DRC5: variants seen among roughly 807,000 people sequenced by gnomAD.
DRC5 encodes the protein T-complex-associated testis-expressed protein 1.
At chr6:44,282,576 G>A in the DRC5 span, 2 of 1,559,664 alleles carry the variant, frequency 1.3e-6, no homozygotes, top group South Asian at 2.3e-5. Context: ...GCAGGCAGAG[G>A]GTCTACAGCA....
chr6:44,291,464 G>C, the DRC5 span, among the ~76,000 whole-genome samples: 1 of 152,240 alleles, frequency 6.6e-6, no homozygotes. Flanking sequence ...TTATGAGGAT[G>C]TGGAGTATGG....
At chr6:44,282,575 G>T in the DRC5 span, 1 of 1,568,166 alleles carries the variant, frequency 6.4e-7, no homozygotes, top group South Asian at 1.2e-5. Context: ...GGCAGGCAGA[G>T]GGTCTACAGC....
chr6:44,285,941 G>A, the DRC5 span: 1 of 1,589,792 alleles, frequency 6.3e-7, no homozygotes, highest in Non-Finnish European at 8.6e-7. Context: ...AGGGGTGGGG[G>A]GAAGGCTGGG....
At chr6:44,286,413 G>GGA in the DRC5 span, 63 of 1,614,064 alleles carry the variant, frequency 3.9e-5, no homozygotes, top group East Asian at 1.4e-3. Context: ...ATGCAGCAGC[G>GGA]GAGCCAGTAG....
At chr6:44,286,162 G>A in the DRC5 span, 3 of 1,613,414 alleles carry the variant, frequency 1.9e-6, no homozygotes, top group South Asian at 1.1e-5. Context: ...TCTCTCCCTC[G>A]CTGCCTGAGT....
chr6:44,283,196 C>T, the DRC5 span, among the ~76,000 whole-genome samples: 1 of 152,110 alleles, frequency 6.6e-6, no homozygotes, highest in African/African-American at 2.4e-5. Context: ...TGGAGGCTTA[C>T]ATTATTTCCC....
the DRC5 span, among the ~76,000 whole-genome samples, chr6:44,291,955 C>T: frequency 1.4e-4 from 21 of 151,994 alleles, no homozygotes; most frequent in Non-Finnish European, 2.5e-4. Context: ...GTCTCCCACC[C>T]AGGCAGCCTC....
the DRC5 span, chr6:44,287,057 G>A: frequency 1.2e-5 from 4 of 327,704 alleles, no homozygotes; most frequent in Non-Finnish European, 1.3e-5. Context: ...ACTGGGTGAT[G>A]ATAGTTGCTG....
chr6:44,296,306 G>C, the DRC5 span, among the ~76,000 whole-genome samples: 10 of 152,296 alleles, frequency 6.6e-5, no homozygotes, highest in East Asian at 1.7e-3. Context: ...TATACCCTTG[G>C]TGCTGACCTA....
the DRC5 span, chr6:44,282,354 G>T: frequency 6.2e-7 from 1 of 1,614,186 alleles, no homozygotes; most frequent in Admixed American, 1.7e-5. Flanking sequence ...CAGGGACTGG[G>T]CACCGGGTGC....
At chr6:44,284,401 T>C in the DRC5 span, among the ~76,000 whole-genome samples, 1 of 152,060 alleles carries the variant, frequency 6.6e-6, no homozygotes, top group Non-Finnish European at 1.5e-5. Context: ...GTCTTGCTTT[T>C]GGCTCTCCCC....
At chr6:44,294,916 C>A in the DRC5 span, among the ~76,000 whole-genome samples, 2 of 152,030 alleles carry the variant, frequency 1.3e-5, no homozygotes, top group Admixed American at 6.5e-5. Flanking sequence ...TGGTCTTAGT[C>A]TGGCCTGGCA....
the DRC5 span, among the ~76,000 whole-genome samples, chr6:44,292,213 T>C: frequency 7.9e-4 from 120 of 152,332 alleles, no homozygotes; most frequent in African/African-American, 2.7e-3. Context: ...AGCTCCTCTT[T>C]GCATCTGGGA....
At chr6:44,287,900 C>T in the DRC5 span, 2 of 1,528,656 alleles carry the variant, frequency 1.3e-6, no homozygotes, top group African/African-American at 1.4e-5. Context: ...ACTGGCAGGT[C>T]CTTGAAACAG....
At chr6:44,296,926 A>G in the DRC5 span, among the ~76,000 whole-genome samples, 1 of 5,216 alleles carries the variant, frequency 1.9e-4, no homozygotes, top group Admixed American at 5.5e-3. Context: ...ACTTTCTCCA[A>G]CTGAGCCTCG....
At chr6:44,285,983 TTGA>T in the DRC5 span, 2 of 1,613,678 alleles carry the variant, frequency 1.2e-6, no homozygotes, top group Non-Finnish European at 1.7e-6. Flanking sequence ...GTGGCATGCC[TTGA>T]TGGCGGCTGC....
the DRC5 span, among the ~76,000 whole-genome samples, chr6:44,287,039 T>C: frequency 6.6e-6 from 1 of 152,190 alleles, no homozygotes; most frequent in East Asian, 1.9e-4. Context: ...ACAAGTAAAA[T>C]GAGTGAGACT....
At chr6:44,281,816 C>T in the DRC5 span, among the ~76,000 whole-genome samples, 2 of 152,212 alleles carry the variant, frequency 1.3e-5, no homozygotes, top group South Asian at 4.1e-4. Flanking sequence ...ACTTGATGCC[C>T]TTGGGCAACT....
At chr6:44,297,420 A>G in the DRC5 span, among the ~76,000 whole-genome samples, 1 of 150,886 alleles carries the variant, frequency 6.6e-6, no homozygotes, top group East Asian at 1.9e-4. Flanking sequence ...CGGTTTGCAG[A>G]CAGTGACTGT....
Sources: gnomAD v4.1 joint callset for allele counts (sites outside exome capture counted in the v4.1 genomes callset) on GRCh38, gnomAD v4.1.1 for gene constraint, MANE v1.5 for transcripts, NCBI Gene and HGNC (gene_info 2026-07-23, HGNC 2026-07-21) for gene names.